TRIM8: variants seen among roughly 807,000 people sequenced by gnomAD.
The protein encoded by TRIM8 is tripartite motif containing 8.
In TRIM8, 9 loss-of-function variants were observed where a neutral mutation model predicts 55.7. The ratio of observed to expected loss-of-function variants is 0.16; its 90% CI spans 0.10 to 0.28. TRIM8 has a LOEUF of 0.28. Ranked by LOEUF, TRIM8 falls within the 10% of genes least tolerant of loss-of-function variation. The pLI is 1.00. For synonymous variants in TRIM8, 335 were observed against 333.3 expected (o/e 1.01, Z -0.06); for missense variants, 556 against 736.4 (o/e 0.76, Z 2.83).
rs374781224 is a variant in TRIM8, at chr10:102,656,163, G to A, written c.932+26G>A. 4.5e-4 allele frequency: 734 copies of A among 1,614,026 alleles called. 1 individual carries two copies. In the African/African-American group the frequency reaches 7.8e-3, roughly 17 times the overall value. The stretch of plus-strand genomic sequence containing the variant: ...GTAAGCTGAGGGCCCTAGCCCTCCC[G>A]GGGGCACATCCTGGGGAGGGCAGGG... On this transcript the variant is annotated intron_variant, in intron 4 of 5. Transcript: ENST00000643721. The surrounding 1 kb of genome is among the most constrained non-coding windows in gnomAD (Gnocchi z 4.6).
chr10:102,652,689 G>A (rs1233328148), intron 1 of TRIM8, among the ~76,000 whole-genome samples: 1 of 152,098 alleles, frequency 6.6e-6, no homozygotes, highest in African/African-American at 2.4e-5. Flanking sequence ...GAATAGTGCT[G>A]TCTAATAGAA....
At chr10:102,649,484 C>T (rs566678845) in intron 1 of TRIM8, among the ~76,000 whole-genome samples, 2 of 152,228 alleles carry the variant, frequency 1.3e-5, no homozygotes, top group South Asian at 2.1e-4. Flanking sequence ...GCCCCTGCCC[C>T]GGGCCGAGCA....
Position 102,656,224 on chromosome 10 carries a change from A to ACCGGT in TRIM8, c.933-45_933-41dup, listed in dbSNP as rs777233070. ...CATGGCGGGGAGGTAGGGCGGGCTC[A>ACCGGT]CCGGTGATGCCTCCTCACAGCAGAT... is the stretch of plus-strand genomic sequence containing the variant. On this transcript the variant is annotated intron_variant, in intron 4 of 5. Coordinates refer to ENST00000643721, the MANE Select transcript of TRIM8 (RefSeq NM_030912.3). The surrounding 1 kb of genome is among the most constrained non-coding windows in gnomAD (Gnocchi z 4.6). The ACCGGT allele has an allele frequency of 8.1e-6, 13 of 1,614,040 alleles. No individual in the cohort carries two copies. Among genetic ancestry groups the ACCGGT allele is most frequent in the Non-Finnish European group, 1.1e-5 (13 of 1,179,982 alleles).
At chr10:102,652,240 A>T (rs2063991396) in intron 1 of TRIM8, among the ~76,000 whole-genome samples, 1 of 152,136 alleles carries the variant, frequency 6.6e-6, no homozygotes, top group South Asian at 2.1e-4. Flanking sequence ...GTAGCCTCCA[A>T]CACAAAATAG....
intron 1 of TRIM8, among the ~76,000 whole-genome samples, chr10:102,648,474 A>G (rs1432766920): frequency 6.6e-6 from 1 of 152,074 alleles, no homozygotes; most frequent in Non-Finnish European, 1.5e-5. Context: ...TTGCATTTTC[A>G]GAGGTTCAGA....
Position 102,657,226 on chromosome 10 carries a change from C to T in TRIM8, c.1528C>T (p.Pro510Ser), listed in dbSNP as rs1202204964. ...QEYSHPLPPT[P>S]SVPQSLPSLA... ...GTACTCACACCCGCTCCCGCCCACA[C>T]CCTCCGTCCCCCAGTCCCTTCCCAG... The change falls in exon 6 of 6, where the codon CCC becomes TCC. Residue 510 changes from proline to serine, a missense_variant. By Grantham distance (74) the Pro-to-Ser change is moderately conservative (BLOSUM62 -1). Coordinates refer to ENST00000643721, the MANE Select transcript of TRIM8 (RefSeq NM_030912.3). 6 of 1,614,070 alleles carry T rather than the reference C, an allele frequency of 3.7e-6. No homozygotes were observed. Among genetic ancestry groups the T allele is most frequent in the Non-Finnish European group, 5.1e-6 (6 of 1,179,982 alleles).
At chr10:102,654,172 C>T (rs1395600469) in intron 1 of TRIM8, 2 of 158,028 alleles carry the variant, frequency 1.3e-5, no homozygotes, top group South Asian at 1.8e-4. Flanking sequence ...TGGTGGCTCA[C>T]GCCCATAATC....
chr10:102,646,162 C>G (rs575914671), intron 1 of TRIM8, among the ~76,000 whole-genome samples: 9 of 152,196 alleles, frequency 5.9e-5, no homozygotes, highest in Non-Finnish European at 4.4e-5. Flanking sequence ...TGAGGCAATA[C>G]TTCCGTCCCC....
At position 102,656,522 on chromosome 10, in the gene TRIM8, G is replaced by T; in HGVS notation, c.1048+137G>T. On this transcript the variant is annotated intron_variant, in intron 5 of 5. Transcript: ENST00000643721. The surrounding 1 kb of genome is among the most constrained non-coding windows in gnomAD (Gnocchi z 4.6). ...TATCCAGGCTTTGCCACTTGTAGCT[G>T]TGGGACAGTGGGTAAGCAACATGAC... 7.2e-7 allele frequency: 1 copy of T among 1,390,008 alleles called. No individual in the cohort carries two copies. Among genetic ancestry groups the T allele is most frequent in the Non-Finnish European group, 9.6e-7 (1 of 1,038,000 alleles). The allele number at this position is 1,390,008 out of a possible 1,614,324, so 86.1% of individuals were successfully genotyped here.
In TRIM8 at chr10:102,645,133, C is replaced by A. The variant is rs773614699; in HGVS notation, c.516C>A (p.Gly172=). The A allele has an allele frequency of 1.3e-6, 2 of 1,583,188 alleles. No homozygotes were observed. The highest frequency in any genetic ancestry group is 8.5e-7 in the Non-Finnish European group (1 of 1,172,626). Residue 172 remains glycine, a synonymous_variant, in exon 1 of 6, where the codon GGC becomes GGA. Transcript: ENST00000643721. The part of the protein sequence containing the change: ...AVCQYCCYYS[G]AHQGHSVCDV... ...GCCAGTACTGCTGCTACTACAGCGG[C>A]GCGCATCAGGGACACTCGGTGTGCG...
In TRIM8 at chr10:102,657,949, C is replaced by G. The variant is rs2064042730; in HGVS notation, c.*595C>G. 1 of 152,592 alleles carries G rather than the reference C, an allele frequency of 6.6e-6. No individual in the cohort carries two copies. Among genetic ancestry groups the G allele is most frequent in the Non-Finnish European group, 1.5e-5 (1 of 68,052 alleles). The allele number at this position is 152,592 out of a possible 1,614,324, so 9.5% of individuals were successfully genotyped here. ...CGGAGTTCAAAGGCCACTTCTCAAG[C>G]AGCTTTTGGCACCTTCAGCCTCAGA... On this transcript the variant is annotated 3_prime_UTR_variant, in exon 6 of 6. Coordinates refer to ENST00000643721, the MANE Select transcript of TRIM8 (RefSeq NM_030912.3).
chr10:102,657,188 T>C lies in TRIM8; in HGVS notation c.1490T>C (p.Val497Ala). ...CGCTCCGGCCACTTTCCCTGGACAG[T>C]GCCCTCGCAGGAGTACTCACACCCG... ...YPRSGHFPWT[V>A]PSQEYSHPLP... Residue 497 changes from valine to alanine, a missense_variant, in exon 6 of 6, where the codon GTG becomes GCG. Physicochemically the swap from Val to Ala is moderately conservative, Grantham distance 64. This residue lies in a region of TRIM8 where 391 missense variants were observed against 441.0 expected (regional missense o/e 0.89). Coordinates refer to ENST00000643721, the MANE Select transcript of TRIM8 (RefSeq NM_030912.3). 6.2e-7 allele frequency: 1 copy of C among 1,613,920 alleles called. No individual in the cohort carries two copies. The highest frequency in any genetic ancestry group is 8.5e-7 in the Non-Finnish European group (1 of 1,179,942).
At chr10:102,655,870 G>T (rs1001495595) in intron 3 of TRIM8, among the ~76,000 whole-genome samples, 2 of 152,222 alleles carry the variant, frequency 1.3e-5, no homozygotes, top group African/African-American at 4.8e-5. Flanking sequence ...GGGTATGGAT[G>T]AAGTTATGGA....
At position 102,656,556 on chromosome 10, in the gene TRIM8, C is replaced by A; in HGVS notation, c.1048+171C>A. 1 of 1,303,926 alleles carries A rather than the reference C, an allele frequency of 7.7e-7. No individual in the cohort carries two copies. The highest frequency in any genetic ancestry group is 1.0e-6 in the Non-Finnish European group (1 of 965,542). 80.8% of individuals were successfully genotyped at this position (1,303,926 alleles called of 1,614,324 possible). A position where few individuals can be genotyped will look rare whatever the true frequency, so the allele number is the denominator to read the frequency against. ...TGGGTAAGCAACATGACCTCCCCAG[C>A]CTCCATTTCTTCAGCTTAAAGTGGG... is the stretch of plus-strand genomic sequence containing the variant. On this transcript the variant is annotated intron_variant, in intron 5 of 5. Transcript: ENST00000643721. This position sits in a 1 kb window ranked among gnomAD's most constrained non-coding sequence, Gnocchi z 4.6.
Position 102,658,266 on chromosome 10 carries a change from C to T in TRIM8, c.*912C>T, listed in dbSNP as rs2064044932. The T allele has an allele frequency of 6.6e-6, 1 of 152,184 alleles. No homozygotes were observed. Among genetic ancestry groups the T allele is most frequent in the African/African-American group, 2.4e-5 (1 of 41,434 alleles). 9.4% of individuals were successfully genotyped at this position (152,184 alleles called of 1,614,324 possible). A position where few individuals can be genotyped will look rare whatever the true frequency, so the allele number is the denominator to read the frequency against. On this transcript the variant is annotated 3_prime_UTR_variant, in exon 6 of 6. Coordinates refer to ENST00000643721, the MANE Select transcript of TRIM8 (RefSeq NM_030912.3). ...GCGCAGGTATTTATTCTGTATCTGT[C>T]TAGAGCACACACCAAAATCCAACCT...
At position 102,656,162 on chromosome 10, in the gene TRIM8, C is replaced by CG. The variant is rs771205839; in HGVS notation, c.932+30dup. The CG allele has an allele frequency of 2.5e-6, 4 of 1,614,086 alleles. No homozygotes were observed. In the East Asian group the frequency reaches 6.7e-5, roughly 27 times the overall value. On this transcript the variant is annotated intron_variant, in intron 4 of 5. Coordinates refer to ENST00000643721, the MANE Select transcript of TRIM8 (RefSeq NM_030912.3). This position sits in a 1 kb window ranked among gnomAD's most constrained non-coding sequence, Gnocchi z 4.6. ...GGTAAGCTGAGGGCCCTAGCCCTCC[C>CG]GGGGGCACATCCTGGGGAGGGCAGG...
At chr10:102,649,471 TG>T (rs2063963239) in intron 1 of TRIM8, among the ~76,000 whole-genome samples, 1 of 152,206 alleles carries the variant, frequency 6.6e-6, no homozygotes. Context: ...AAGCCCGGCT[TG>T]GGCCCCTGCC....
chr10:102,657,278 C>T lies in TRIM8; in HGVS notation c.1580C>T (p.Ala527Val). 1 of 1,613,738 alleles carries T rather than the reference C, an allele frequency of 6.2e-7. No homozygotes were observed. Among genetic ancestry groups the T allele is most frequent in the South Asian group, 1.1e-5 (1 of 91,014 alleles). Reference protein sequence around the residue: ...PSLAVRDWLDASQQPGHQDFY... With the variant: ...PSLAVRDWLDVSQQPGHQDFY... ...CTGGCGGTCAGAGACTGGCTTGACG[C>T]CTCCCAGCAGCCCGGCCACCAGGAT... is the stretch of plus-strand genomic sequence containing the variant. The change falls in exon 6 of 6, where the codon GCC becomes GTC. Residue 527 changes from alanine (A) to valine (V), a missense_variant. Transcript: ENST00000643721.
chr10:102,652,142 T>G (rs2063990576), intron 1 of TRIM8, among the ~76,000 whole-genome samples: 1 of 152,046 alleles, frequency 6.6e-6, no homozygotes, highest in Non-Finnish European at 1.5e-5. Flanking sequence ...AAGGTTAAGT[T>G]GTGTGTGGGC....
Sources: gnomAD v4.1 joint callset for allele counts (sites outside exome capture counted in the v4.1 genomes callset) on GRCh38, gnomAD v4.1.1 for gene constraint, gnomAD v4.1.1 regional missense constraint, Gnocchi (gnomAD v3.1) non-coding constraint, MANE v1.5 for transcripts, NCBI Gene and HGNC (gene_info 2026-07-23, HGNC 2026-07-21) for gene names.